Variants in SATB1 observed in about 807,000 individuals in gnomAD.
SATB1 encodes DNA-binding protein SATB1.
SATB1 carries 11 observed loss-of-function variants against 86.9 expected under a neutral mutation model. The observed-to-expected ratio is 0.13, with a 90% CI of 0.08 to 0.21. SATB1 has a LOEUF of 0.21. Among genes scored for constraint, SATB1 ranks in the 10% least tolerant of loss-of-function variants. SATB1 has a pLI of 1.00. For missense variants in SATB1, 551 were observed against 937.6 expected (o/e 0.59, Z 5.39); for synonymous variants, 357 against 357.2 (o/e 1.00, Z 0.01).
In SATB1 at chr3:18,352,293, T is replaced by C; in HGVS notation, c.1576-98A>G. On this transcript the variant is annotated intron_variant, in intron 9 of 10. Coordinates refer to ENST00000338745, the MANE Select transcript of SATB1 (RefSeq NM_002971.6). The surrounding 1 kb of genome is among the most constrained non-coding windows in gnomAD (Gnocchi z 4.1). Reference sequence around the variant, plus strand: ...AGGAAAAACCCTATGAATTAACTTTTTCATAAGCTCAGAACACACCATTCT... The same window carrying C: ...AGGAAAAACCCTATGAATTAACTTTCTCATAAGCTCAGAACACACCATTCT... 9.8e-7 allele frequency: 1 copy of C among 1,019,638 alleles called. No individual in the cohort carries two copies. The allele number at this position is 1,019,638 out of a possible 1,614,324, so 63.2% of individuals were successfully genotyped here.
At chr3:18,417,925 G>C (rs6780734) in intron 2 of SATB1, among the ~76,000 whole-genome samples, 1 of 152,084 alleles carries the variant, frequency 6.6e-6, no homozygotes, top group Non-Finnish European at 1.5e-5. Context: ...CAGTAACTCA[G>C]TAGCTAGATG....
intron 9 of SATB1, among the ~76,000 whole-genome samples, chr3:18,364,922 T>C (rs1020843161): frequency 3.3e-5 from 5 of 152,066 alleles, no homozygotes; most frequent in African/African-American, 1.2e-4. Flanking sequence ...CAGGGGTTCC[T>C]AGACTGTGTC....
chr3:18,387,437 T>A (rs1370464279), intron 7 of SATB1, among the ~76,000 whole-genome samples: 1 of 152,134 alleles, frequency 6.6e-6, no homozygotes, highest in African/African-American at 2.4e-5. Context: ...ATAGAAGAAA[T>A]TTATAAATCA....
At chr3:18,383,954 A>G (rs1277061872) in intron 8 of SATB1, among the ~76,000 whole-genome samples, 1 of 152,224 alleles carries the variant, frequency 6.6e-6, no homozygotes, top group Non-Finnish European at 1.5e-5. Flanking sequence ...AGCAAAATAA[A>G]ATTACACACA....
chr3:18,393,760 C>G (rs1294959062), intron 7 of SATB1, among the ~76,000 whole-genome samples: 1 of 152,144 alleles, frequency 6.6e-6, no homozygotes, highest in Non-Finnish European at 1.5e-5. Flanking sequence ...CTTTATTACT[C>G]TACAGTGTGA....
At chr3:18,379,408 C>G (rs895023520) in intron 8 of SATB1, among the ~76,000 whole-genome samples, 2 of 152,216 alleles carry the variant, frequency 1.3e-5, no homozygotes, top group South Asian at 4.1e-4. Context: ...CAAACTGATC[C>G]CTTAAAGACA....
rs746900972 is a variant in SATB1, at chr3:18,349,668, TTGCTGC to T, written c.1788_1793del (p.Gln606_Gln607del). 2 of 1,606,404 alleles carry T rather than the reference TTGCTGC, an allele frequency of 1.2e-6. No individual in the cohort carries two copies. Among genetic ancestry groups the T allele is most frequent in the South Asian group, 2.2e-5 (2 of 90,432 alleles). ...GCTGCTGCTGCTGCTGCTGTTGCTG[TTGCTGC>T]TGCTGTTGCTGCAAAGAAACAAGGA... On this transcript the variant is annotated inframe_deletion, in exon 11 of 11. Coordinates refer to ENST00000338745, the MANE Select transcript of SATB1 (RefSeq NM_002971.6). This position sits in a 1 kb window ranked among gnomAD's most constrained non-coding sequence, Gnocchi z 5.5.
intron 9 of SATB1, among the ~76,000 whole-genome samples, chr3:18,355,316 T>C (rs1251193650): frequency 6.6e-6 from 1 of 152,096 alleles, no homozygotes; most frequent in Non-Finnish European, 1.5e-5. Flanking sequence ...TCTAATGCTA[T>C]TTAAATACCT....
chr3:18,370,326 T>G (rs1237074492), intron 9 of SATB1, among the ~76,000 whole-genome samples: 2 of 151,844 alleles, frequency 1.3e-5, no homozygotes, highest in African/African-American at 4.8e-5. Flanking sequence ...ACCTGTGTAT[T>G]CTTATATACA....
At chr3:18,357,970 T>C (rs969469082) in intron 9 of SATB1, among the ~76,000 whole-genome samples, 7 of 152,048 alleles carry the variant, frequency 4.6e-5, no homozygotes, top group African/African-American at 1.7e-4. Context: ...ATCATAACAC[T>C]GTGCAGTGAG....
upstream of SATB1, among the ~76,000 whole-genome samples, chr3:18,442,080 T>A (rs1238184474): frequency 1.3e-5 from 2 of 152,156 alleles, no homozygotes; most frequent in Non-Finnish European, 2.9e-5. Context: ...TATTACATAT[T>A]TCAGCTTGTG....
chr3:18,417,145 C>A, intron 2 of SATB1, 67 bp from the exon 3 acceptor site: 1 of 1,502,656 alleles, frequency 6.7e-7, no homozygotes, highest in Non-Finnish European at 9.1e-7. Flanking sequence ...TTGGGGGTGG[C>A]GGGAGGAAAT....
At chr3:18,362,278 A>G (rs973102239) in intron 9 of SATB1, among the ~76,000 whole-genome samples, 5 of 152,124 alleles carry the variant, frequency 3.3e-5, no homozygotes, top group African/African-American at 1.2e-4. Context: ...GAACACAAAC[A>G]GCCCTTTGAG....
At position 18,416,092 on chromosome 3, in the gene SATB1, A is replaced by C; in HGVS notation, c.430T>G (p.Tyr144Asp). 2 of 1,610,952 alleles carry C rather than the reference A, an allele frequency of 1.2e-6. No homozygotes were observed. The highest frequency in any genetic ancestry group is 1.7e-6 in the Non-Finnish European group (2 of 1,177,974). The change falls in exon 4 of 11, where the codon TAC (tyrosine) becomes GAC (aspartate). Residue 144 changes from tyrosine (Y) to aspartate (D), a missense_variant. Coordinates refer to ENST00000338745, the MANE Select transcript of SATB1 (RefSeq NM_002971.6). ...GTAGCATCAGGGGCATCTGTCACGTAAGACAGTGGAACTGGATTCCACTTT... is the reference window on the plus strand; with the variant it reads ...GTAGCATCAGGGGCATCTGTCACGTCAGACAGTGGAACTGGATTCCACTTT... ...VGKWNPVPLS[Y>D]VTDAPDATVA...
chr3:18,426,769 C>G (rs1387060736), upstream of SATB1, among the ~76,000 whole-genome samples: 1 of 152,070 alleles, frequency 6.6e-6, no homozygotes, highest in Non-Finnish European at 1.5e-5. The surrounding 1 kb of genome is among the most constrained non-coding windows in gnomAD (Gnocchi z 4.2). Flanking sequence ...CAAGTTAGCA[C>G]AAGTACTGAG....
intron 5 of SATB1, among the ~76,000 whole-genome samples, chr3:18,412,457 C>T (rs1030737174): frequency 5.3e-5 from 8 of 151,954 alleles, no homozygotes; most frequent in Non-Finnish European, 1.0e-4. Context: ...TATTTAGGGC[C>T]CCTGTAGCCA....
In SATB1 at chr3:18,352,139, G is replaced by A. The variant is rs1694397604; in HGVS notation, c.1632C>T (p.Thr544=). The A allele has an allele frequency of 6.2e-7, 1 of 1,614,130 alleles. No individual in the cohort carries two copies. Among genetic ancestry groups the A allele is most frequent in the Non-Finnish European group, 8.5e-7 (1 of 1,180,026 alleles). ...GGATCATGGAGAGGTTCTCCCACAG[G>A]GTTCTGTTTTCTGGAGAAGGATCTT... ...WKEDPSPENR[T]LWENLSMIRR... Residue 544 remains threonine (T), a synonymous_variant, in exon 10 of 11, where the codon ACC becomes ACT. Transcript: ENST00000338745. The surrounding 1 kb of genome is among the most constrained non-coding windows in gnomAD (Gnocchi z 4.1).
intron 2 of SATB1, chr3:18,417,499 A>G (rs1442330968): frequency 1.7e-6 from 1 of 602,408 alleles, no homozygotes; most frequent in Non-Finnish European, 2.9e-6. Flanking sequence ...TGCTTACATG[A>G]TTTTGTTAAT....
Position 18,394,442 on chromosome 3 carries a change from A to G in SATB1, c.1206+20T>C, listed in dbSNP as rs772625737. The G allele has an allele frequency of 1.2e-6, 2 of 1,605,774 alleles. No individual in the cohort carries two copies. Among genetic ancestry groups the G allele is most frequent in the Non-Finnish European group, 1.7e-6 (2 of 1,172,504 alleles). ...AGAAAATAGGAGACAGCACAGAACCACTTATGAAACACAACTGACCTGAGT... is the reference window on the plus strand; with the variant it reads ...AGAAAATAGGAGACAGCACAGAACCGCTTATGAAACACAACTGACCTGAGT... On this transcript the variant is annotated intron_variant, in intron 7 of 10. Transcript: ENST00000338745. The surrounding 1 kb of genome is among the most constrained non-coding windows in gnomAD (Gnocchi z 5.9).
Sources: gnomAD v4.1 joint callset for allele counts (sites outside exome capture counted in the v4.1 genomes callset) on GRCh38, gnomAD v4.1.1 for gene constraint, Gnocchi (gnomAD v3.1) non-coding constraint, MANE v1.5 for transcripts, NCBI Gene and HGNC (gene_info 2026-07-23, HGNC 2026-07-21) for gene names.